Variants in SCN1B observed in about 807,000 individuals in gnomAD.
The protein encoded by SCN1B is sodium voltage-gated channel beta subunit 1.
SCN1B carries 11 observed loss-of-function variants against 25.7 expected under a neutral mutation model. The observed-to-expected ratio is 0.43, with a 90% CI of 0.27 to 0.71. The LOEUF (loss-of-function observed/expected upper bound fraction) is 0.71, where lower values mean the gene tolerates loss of function less well. SCN1B is among the 30% of genes least tolerant of loss of function. SCN1B has a pLI of 0.21. For synonymous variants in SCN1B, 119 were observed against 117.5 expected (o/e 1.01, Z -0.08); for missense variants, 224 against 291.5 (o/e 0.77, Z 1.69).
intron 3 of SCN1B, chr19:35,035,639 A>AGTGCTATTACCAGCCTGTGCTATTAC (rs1230030388): frequency 6.6e-6 from 1 of 151,828 alleles, no homozygotes. Context: ...ACTACATCCC[A>AGTGCTATTACCAGCCTGTGCTATTAC]CAGCCTGTGC....
At position 35,039,784 on chromosome 19, in the gene SCN1B, T is replaced by C; in HGVS notation, c.*6-13T>C. ...CCCAGGTCCCTAATTCCCCCTCTCT[T>C]GCTCCCCTTCAGGCCCTGGGCCCCG... On this transcript the variant is annotated splice_polypyrimidine_tract_variant and intron_variant, in intron 5 of 5. Transcript: ENST00000262631. 6.9e-7 allele frequency: 1 copy of C among 1,445,186 alleles called. No individual in the cohort carries two copies. Among genetic ancestry groups the C allele is most frequent in the East Asian group, 2.4e-5 (1 of 42,338 alleles). The allele number at this position is 1,445,186 out of a possible 1,614,324, so 89.5% of individuals were successfully genotyped here. A position where few individuals can be genotyped will look rare whatever the true frequency, so the allele number is the denominator to read the frequency against.
chr19:35,036,008 A>G (rs575355979), intron 3 of SCN1B: 10 of 150,406 alleles, frequency 6.6e-5, no homozygotes, highest in Middle Eastern at 3.5e-3. Context: ...AGCTGGGACT[A>G]CAGGTGTGAG....
At position 35,032,408 on chromosome 19, in the gene SCN1B, C is replaced by T; in HGVS notation, c.41-120C>T. On this transcript the variant is annotated intron_variant, in intron 1 of 5. Coordinates refer to ENST00000262631, the MANE Select transcript of SCN1B (RefSeq NM_001037.5). This position sits in a 1 kb window ranked among gnomAD's most constrained non-coding sequence, Gnocchi z 4.3. The stretch of plus-strand genomic sequence containing the variant: ...TCACGCAGTGAGTGACAGGGCTCAG[C>T]CTAGCATCCAGTCCTGTCTGCTGGT... 2 of 1,178,672 alleles carry T rather than the reference C, an allele frequency of 1.7e-6. No homozygotes were observed. Among genetic ancestry groups the T allele is most frequent in the South Asian group, 2.6e-5 (2 of 78,398 alleles). 73.0% of individuals were successfully genotyped at this position (1,178,672 alleles called of 1,614,324 possible).
intron 3 of SCN1B, chr19:35,034,164 G>A: frequency 6.5e-7 from 1 of 1,549,014 alleles, no homozygotes; most frequent in Non-Finnish European, 8.7e-7. Flanking sequence ...GCTTCCAGCA[G>A]AGCCTTGCAG....
Position 35,030,838 on chromosome 19 carries a change from C to T in SCN1B, c.18C>T (p.Ala6=). The T allele has an allele frequency of 9.7e-7, 1 of 1,035,464 alleles. No homozygotes were observed. The highest frequency in any genetic ancestry group is 1.2e-6 in the Non-Finnish European group (1 of 827,856). 64.1% of individuals were successfully genotyped at this position (1,035,464 alleles called of 1,614,324 possible). MGRLL[A]LVVGAALVSS... ...GCGCAGCCATGGGGAGGCTGCTGGCCTTAGTGGTCGGCGCGGCACTGGGTG... is the reference window on the plus strand; with the variant it reads ...GCGCAGCCATGGGGAGGCTGCTGGCTTTAGTGGTCGGCGCGGCACTGGGTG... Residue 6 remains alanine, a synonymous_variant, in exon 1 of 6, where the codon GCC becomes GCT. Transcript: ENST00000262631.
rs1409653788 is a variant in SCN1B, at chr19:35,030,810, G to C, written c.-11G>C. 2 of 1,079,182 alleles carry C rather than the reference G, an allele frequency of 1.9e-6. No individual in the cohort carries two copies. The highest frequency in any genetic ancestry group is 2.4e-6 in the Non-Finnish European group (2 of 848,666). 66.9% of individuals were successfully genotyped at this position (1,079,182 alleles called of 1,614,324 possible). The stretch of plus-strand genomic sequence containing the variant: ...GGCCCGGGAGGGGGGCGCAGCACGC[G>C]CCGCGCAGCCATGGGGAGGCTGCTG... On this transcript the variant is annotated 5_prime_UTR_variant, in exon 1 of 6. Coordinates refer to ENST00000262631, the MANE Select transcript of SCN1B (RefSeq NM_001037.5).
rs778461222 is a variant in SCN1B at position 35,033,559 on chromosome 19, G to A, written c.268G>A (p.Val90Met). The part of the protein sequence containing the change: ...LEEDERFEGR[V>M]VWNGSRGTKD... Reference sequence around the variant, plus strand: ...GGAGGATGAGCGCTTCGAGGGCCGCGTGGTGTGGAATGGCAGCCGGGGCAC... The same window carrying A: ...GGAGGATGAGCGCTTCGAGGGCCGCATGGTGTGGAATGGCAGCCGGGGCAC... The change falls in exon 3 of 6, where the codon GTG becomes ATG. Residue 90 changes from valine (V) to methionine (M), a missense_variant. Transcript: ENST00000262631. The A allele has an allele frequency of 9.9e-6, 16 of 1,613,966 alleles. No homozygotes were observed. Among genetic ancestry groups the A allele is most frequent in the African/African-American group, 4.0e-5 (3 of 74,894 alleles).
intron 2 of SCN1B, among the ~76,000 whole-genome samples, chr19:35,033,053 C>A (rs1319830063): frequency 2.0e-5 from 3 of 152,108 alleles, no homozygotes; most frequent in Non-Finnish European, 2.9e-5. Flanking sequence ...GAAGACAGAA[C>A]TGTTTTTTTT....
intron 4 of SCN1B, 76 bp from the exon 5 acceptor site, chr19:35,039,559 G>A (rs764887153): frequency 2.0e-5 from 30 of 1,469,682 alleles, no homozygotes; most frequent in Middle Eastern, 1.7e-4. Flanking sequence ...GGTGGAGACC[G>A]CTACCTTCCC....
Position 35,033,930 on chromosome 19 carries a change from A to G in SCN1B, c.448+191A>G. 1 of 1,560,754 alleles carries G rather than the reference A, an allele frequency of 6.4e-7. No homozygotes were observed. The highest frequency in any genetic ancestry group is 8.7e-7 in the Non-Finnish European group (1 of 1,152,012). On this transcript the variant is annotated intron_variant, in intron 3 of 5. Transcript: ENST00000262631. ...TCTGGCCTCTGTTTCTCTCCAGCCC[A>G]CGGAGAGGTCAAAGCATGCCTGTCC...
At position 35,032,344 on chromosome 19, in the gene SCN1B, G is replaced by C. The variant is rs1308440841; in HGVS notation, c.41-184G>C. On this transcript the variant is annotated intron_variant, in intron 1 of 5. Coordinates refer to ENST00000262631, the MANE Select transcript of SCN1B (RefSeq NM_001037.5). This position sits in a 1 kb window ranked among gnomAD's most constrained non-coding sequence, Gnocchi z 4.3. ...AAGGACCATTTCTTTCAACAAGAGA[G>C]AGGGAAACTGAGACTCAGGGATGAA... Among the ~76,000 whole-genome samples the C allele has an allele frequency of 2.0e-5, 3 of 152,274 alleles. No homozygotes were observed. Among genetic ancestry groups the C allele is most frequent in the Non-Finnish European group, 4.4e-5 (3 of 68,052 alleles).
chr19:35,033,148 T>A (rs2064224986), intron 2 of SCN1B, among the ~76,000 whole-genome samples: 1 of 151,852 alleles, frequency 6.6e-6, no homozygotes, highest in Non-Finnish European at 1.5e-5. Flanking sequence ...AGAGTTGGGG[T>A]CTCCAGCTGC....
intron 1 of SCN1B, chr19:35,031,656 G>A (rs1345501879): frequency 6.6e-6 from 1 of 152,516 alleles, no homozygotes; most frequent in Non-Finnish European, 1.5e-5. Context: ...GAGTCTGAAA[G>A]GGACCGCAGG....
intron 1 of SCN1B, among the ~76,000 whole-genome samples, chr19:35,031,123 G>C (rs2064210896): frequency 6.6e-6 from 1 of 151,340 alleles, no homozygotes; most frequent in Non-Finnish European, 1.5e-5. Flanking sequence ...GAGGAAACGC[G>C]GAGTCAGCTG....
At chr19:35,030,897 CGCGGGGGCACT>C in intron 1 of SCN1B, 37 bp downstream of exon 1, 1 of 418,784 alleles carries the variant, frequency 2.4e-6, no homozygotes, top group Non-Finnish European at 3.4e-6. Context: ...CGGGGGGCAC[CGCGGGGGCACT>C]GGCGGGGCGG....
chr19:35,034,214 C>T (rs909167747), intron 3 of SCN1B: 12 of 1,506,968 alleles, frequency 8.0e-6, no homozygotes, highest in African/African-American at 1.4e-5. Context: ...TCGAGTAGCT[C>T]AGCCCTGCTG....
chr19:35,037,088 A>C (rs1051449661), intron 3 of SCN1B: 1 of 152,038 alleles, frequency 6.6e-6, no homozygotes, highest in Non-Finnish European at 1.5e-5. Flanking sequence ...TCTCGCTGCA[A>C]TTTCAGTATT....
intron 4 of SCN1B, 136 bp downstream of exon 4, chr19:35,039,394 G>C: frequency 1.6e-6 from 2 of 1,266,880 alleles, no homozygotes; most frequent in Non-Finnish European, 2.3e-6. Context: ...CCAGAGGGGA[G>C]TGCTCCCTGT....
chr19:35,039,283 G>C lies in SCN1B; in HGVS notation c.590+25G>C, dbSNP rs370266315. On this transcript the variant is annotated intron_variant, in intron 4 of 5. Transcript: ENST00000262631. ...CGTGAGTAGGGTGGCTGGGAGGTGG[G>C]AGGGCACCCAGGGCACCGTCACACT... is the stretch of plus-strand genomic sequence containing the variant. 56 of 1,609,438 alleles carry C rather than the reference G, an allele frequency of 3.5e-5. No individual in the cohort carries two copies. The African/African-American group carries it at 7.1e-4, about 20-fold the overall frequency.
Sources: allele counts gnomAD v4.1 joint callset (sites outside exome capture counted in the v4.1 genomes callset), GRCh38; gene constraint gnomAD v4.1.1; non-coding constraint Gnocchi (gnomAD v3.1); transcripts MANE v1.5; gene names NCBI Gene and HGNC (gene_info 2026-07-23, HGNC 2026-07-21).